Variants in TPO observed in about 807,000 individuals in gnomAD.
The protein encoded by TPO is thyroid microsomal antigen.
TPO carries 78 observed loss-of-function variants against 96.9 expected under a neutral mutation model. The ratio of observed to expected loss-of-function variants is 0.81; its 90% CI spans 0.67 to 0.97. The LOEUF (loss-of-function observed/expected upper bound fraction) is 0.97. TPO is among the 50% of genes least tolerant of loss of function. TPO has a pLI of 0.00. For synonymous variants in TPO, 547 were observed against 538.0 expected (o/e 1.02, Z -0.23); for missense variants, 1,252 against 1,274.8 (o/e 0.98, Z 0.27).
chr2:1,467,674 A>G (rs1457406998), intron 7 of TPO, among the ~76,000 whole-genome samples: 3 of 152,058 alleles, frequency 2.0e-5, no homozygotes, highest in African/African-American at 7.2e-5. Context: ...GTTGTTGGGT[A>G]GAATGTTCTG....
chr2:1,415,045 G>C (rs1405399095), intron 2 of TPO, among the ~76,000 whole-genome samples: 1 of 152,240 alleles, frequency 6.6e-6, no homozygotes, highest in Admixed American at 6.5e-5. Context: ...CCGGGAGCAG[G>C]TGACACCTCG....
chr2:1,484,892 C>G, intron 9 of TPO, 38 bp downstream of exon 9: 1 of 1,610,456 alleles, frequency 6.2e-7, no homozygotes, highest in Non-Finnish European at 8.5e-7. Flanking sequence ...TCCCCATGAA[C>G]TCTTCCTTCT....
chr2:1,502,495 T>C (rs560320511), intron 13 of TPO, among the ~76,000 whole-genome samples: 1 of 152,270 alleles, frequency 6.6e-6, no homozygotes, highest in African/African-American at 2.4e-5. Context: ...GCTCAAGTGA[T>C]TCTCCTGCCT....
rs771561271 is a variant in TPO, at chr2:1,496,663, C to T, written c.2284C>T (p.Arg762Cys). The T allele has an allele frequency of 8.1e-6, 13 of 1,613,812 alleles. No individual in the cohort carries two copies. Among genetic ancestry groups the T allele is most frequent in the South Asian group, 2.2e-5 (2 of 91,062 alleles). The change falls in exon 13 of 17, where the codon CGC (arginine) becomes TGC (cysteine). Residue 762 changes from arginine (R) to cysteine (C), a missense_variant. Coordinates refer to ENST00000329066, the MANE Select transcript of TPO (RefSeq NM_001206744.2). ...TGTGCACTGTGAGGAGTCTGGGAGGCGCGTGCTGGTGTATTCCTGCCGGCA... is the reference window on the plus strand; with the variant it reads ...TGTGCACTGTGAGGAGTCTGGGAGGTGCGTGCTGGTGTATTCCTGCCGGCA... Reference protein sequence around the residue: ...DFVHCEESGRRVLVYSCRHGY... With the variant: ...DFVHCEESGRCVLVYSCRHGY...
chr2:1,524,949 C>CTGTGCAACCTCCCCAAATCCCCCCAGTG (rs1362319989), intron 15 of TPO, among the ~76,000 whole-genome samples: 1 of 116,746 alleles, frequency 8.6e-6, no homozygotes, highest in South Asian at 3.0e-4. Context: ...AATCCCGACT[C>CTGTGCAACCTCCCCAAATCCCCCCAGTG]TGTGCAACCT....
intron 3 of TPO, among the ~76,000 whole-genome samples, chr2:1,424,468 C>T (rs1051738524): frequency 3.9e-5 from 6 of 152,080 alleles, no homozygotes; most frequent in Admixed American, 6.6e-5. Context: ...TGCTCTTGGC[C>T]GAGAGGTGGG....
At chr2:1,411,603 G>A (rs965928299), upstream of TPO, among the ~76,000 whole-genome samples, 3 of 152,160 alleles carry the variant, frequency 2.0e-5, no homozygotes, top group Admixed American at 2.0e-4. Context: ...GTGCTTAGTG[G>A]CTTTACTCCA....
intron 10 of TPO, among the ~76,000 whole-genome samples, chr2:1,491,003 T>G (rs537013080): frequency 6.6e-6 from 1 of 152,180 alleles, no homozygotes; most frequent in Non-Finnish European, 1.5e-5. Flanking sequence ...ACCCTGTCTC[T>G]ACTAAAAATA....
chr2:1,505,729 C>G (rs958143242), intron 14 of TPO, among the ~76,000 whole-genome samples: 5 of 151,946 alleles, frequency 3.3e-5, no homozygotes, highest in African/African-American at 1.2e-4. Flanking sequence ...AAGTTCCTCC[C>G]CTCATCCTCC....
chr2:1,389,135 G>C (rs1387916531), intron 1 of TPO, among the ~76,000 whole-genome samples: 4 of 152,128 alleles, frequency 2.6e-5, no homozygotes, highest in Admixed American at 2.6e-4. Context: ...TCACTCAGGA[G>C]GGGCAGGGCC....
chr2:1,467,001 T>C (rs375132016), intron 7 of TPO, among the ~76,000 whole-genome samples: 1 of 152,188 alleles, frequency 6.6e-6, no homozygotes, highest in Non-Finnish European at 1.5e-5. Flanking sequence ...CTCTTTCAGA[T>C]TTTTTATGTA....
intron 14 of TPO, among the ~76,000 whole-genome samples, chr2:1,514,289 G>C (rs965642216): frequency 4.6e-5 from 7 of 152,206 alleles, no homozygotes; most frequent in African/African-American, 7.2e-5. Context: ...GCTTTTCTCA[G>C]ACCACAGATT....
intron 15 of TPO, among the ~76,000 whole-genome samples, chr2:1,539,791 C>T (rs1344531426): frequency 4.1e-5 from 6 of 146,288 alleles, no homozygotes; most frequent in Admixed American, 7.1e-5. Context: ...TGCTCAGGAC[C>T]GGTGATGATG....
At chr2:1,434,520 C>T (rs1281051776) in intron 4 of TPO, among the ~76,000 whole-genome samples, 3 of 152,190 alleles carry the variant, frequency 2.0e-5, no homozygotes, top group Non-Finnish European at 4.4e-5. Context: ...AACGATGTTT[C>T]TAAGAACTCT....
intron 1 of TPO, among the ~76,000 whole-genome samples, chr2:1,380,197 A>G (rs920916492): frequency 6.6e-6 from 1 of 152,154 alleles, no homozygotes; most frequent in East Asian, 1.9e-4. Context: ...GATCAAGACC[A>G]TCCTGGCTAA....
chr2:1,475,232 T>G (rs1180712536), intron 7 of TPO, among the ~76,000 whole-genome samples: 1 of 152,190 alleles, frequency 6.6e-6, no homozygotes, highest in African/African-American at 2.4e-5. Context: ...CCTCCCATTC[T>G]TGGGGCCTCT....
chr2:1,512,345 T>C (rs1248615430), intron 14 of TPO: 1 of 972,388 alleles, frequency 1.0e-6, no homozygotes, highest in East Asian at 1.1e-4. Context: ...GCTACCTCTT[T>C]GCTAAGGAAT....
chr2:1,420,615 G>A (rs1663416752), intron 2 of TPO, among the ~76,000 whole-genome samples: 1 of 152,174 alleles, frequency 6.6e-6, no homozygotes, highest in Admixed American at 6.5e-5. Flanking sequence ...TGGACGTCCT[G>A]GATTCTGAGG....
chr2:1,378,386 C>A (rs1361477846), intron 1 of TPO, among the ~76,000 whole-genome samples: 1 of 152,210 alleles, frequency 6.6e-6, no homozygotes, highest in Non-Finnish European at 1.5e-5. Context: ...TCAGGAGCTG[C>A]TTTTTCCCAG....
Sources: gnomAD v4.1 joint callset for allele counts (sites outside exome capture counted in the v4.1 genomes callset) on GRCh38, gnomAD v4.1.1 for gene constraint, MANE v1.5 for transcripts, NCBI Gene and HGNC (gene_info 2026-07-23, HGNC 2026-07-21) for gene names.